Variants in AKAIN1 observed in about 807,000 individuals in gnomAD.
The protein encoded by AKAIN1 is A-kinase anchor protein inhibitor 1.
In AKAIN1, 3 loss-of-function variants were observed where a neutral mutation model predicts 3.7. The ratio of observed to expected loss-of-function variants is 0.82; its 90% CI spans 0.37 to 2.12. The LOEUF (loss-of-function observed/expected upper bound fraction) is 2.12, where lower values mean the gene tolerates loss of function less well. Ranked by LOEUF, AKAIN1 falls within the 30% of genes most tolerant of loss-of-function variation. The probability of loss-of-function intolerance (pLI) is 0.06; values close to 1 mark genes in which losing one functional copy is unlikely to be tolerated. For missense variants in AKAIN1, 82 were observed against 82.7 expected (o/e 0.99, Z 0.03); for synonymous variants, 31 against 30.8 (o/e 1.01, Z -0.02).
chr18:5,165,354 A>T (rs1220308115), intron 1 of AKAIN1, among the ~76,000 whole-genome samples: 1 of 151,952 alleles, frequency 6.6e-6, no homozygotes, highest in Non-Finnish European at 1.5e-5. Context: ...TCAAAACTCC[A>T]AAGGGGGTAG....
Position 5,197,004 on chromosome 18 carries a change from T to A in AKAIN1, c.16+34A>T, listed in dbSNP as rs1477873357. On this transcript the variant is annotated intron_variant, in intron 1 of 1. Transcript: ENST00000434239. The surrounding 1 kb of genome is among the most constrained non-coding windows in gnomAD (Gnocchi z 6.9). ...TCCGTCCTCTACCCTGCTCCCCTCC[T>A]AGACACTTGGTGAAAAAGCAAGGTG... 6.5e-7 allele frequency: 1 copy of A among 1,533,386 alleles called. No homozygotes were observed. The allele number at this position is 1,533,386 out of a possible 1,614,324, so 95.0% of individuals were successfully genotyped here. A position where few individuals can be genotyped will look rare whatever the true frequency, so the allele number is the denominator to read the frequency against.
At chr18:5,168,340 A>AAG (rs2071178157) in intron 1 of AKAIN1, among the ~76,000 whole-genome samples, 1 of 152,118 alleles carries the variant, frequency 6.6e-6, no homozygotes, top group Non-Finnish European at 1.5e-5. Context: ...AGGACAGCCA[A>AAG]AGAGGCTACC....
chr18:5,193,900 T>C (rs1350260699), intron 1 of AKAIN1, among the ~76,000 whole-genome samples: 1 of 152,208 alleles, frequency 6.6e-6, no homozygotes, highest in Non-Finnish European at 1.5e-5. Context: ...ATATTGGTTG[T>C]GTCACCCCCT....
intron 1 of AKAIN1, among the ~76,000 whole-genome samples, chr18:5,176,509 G>A (rs970938182): frequency 8.6e-5 from 13 of 152,012 alleles, no homozygotes; most frequent in Non-Finnish European, 1.5e-4. Context: ...TTGAAAAAGT[G>A]TTATGGAAGC....
chr18:5,171,531 T>C (rs960600852), intron 1 of AKAIN1, among the ~76,000 whole-genome samples: 2 of 151,944 alleles, frequency 1.3e-5, no homozygotes, highest in East Asian at 3.9e-4. Context: ...GGGCAACAGA[T>C]CCGAATAGAC....
At chr18:5,152,096 G>A (rs1174836141) in intron 1 of AKAIN1, among the ~76,000 whole-genome samples, 4 of 152,136 alleles carry the variant, frequency 2.6e-5, no homozygotes, top group Non-Finnish European at 5.9e-5. Flanking sequence ...TCCCCACAAG[G>A]TTGACAGGAA....
chr18:5,145,504 T>C lies in AKAIN1; in HGVS notation c.*58A>G. ...TTACTGGCAACATTTTGGAGATGCGTCCTATACTAAGAGGAAGGCTAGAAA... is the reference window on the plus strand; with the variant it reads ...TTACTGGCAACATTTTGGAGATGCGCCCTATACTAAGAGGAAGGCTAGAAA... On this transcript the variant is annotated 3_prime_UTR_variant, in exon 2 of 2. Transcript: ENST00000434239. 2 of 1,438,934 alleles carry C rather than the reference T, an allele frequency of 1.4e-6. No individual in the cohort carries two copies. The highest frequency in any genetic ancestry group is 1.9e-6 in the Non-Finnish European group (2 of 1,055,478). The allele number at this position is 1,438,934 out of a possible 1,614,324, so 89.1% of individuals were successfully genotyped here. A position where few individuals can be genotyped will look rare whatever the true frequency, so the allele number is the denominator to read the frequency against.
At chr18:5,172,168 G>T (rs1165394291) in intron 1 of AKAIN1, among the ~76,000 whole-genome samples, 2 of 152,150 alleles carry the variant, frequency 1.3e-5, no homozygotes, top group Non-Finnish European at 2.9e-5. Flanking sequence ...GAGACAGAGA[G>T]TAGAATAATC....
At chr18:5,179,768 C>T (rs1294825350) in intron 1 of AKAIN1, among the ~76,000 whole-genome samples, 1 of 152,148 alleles carries the variant, frequency 6.6e-6, no homozygotes, top group Non-Finnish European at 1.5e-5. Context: ...AATACATCTG[C>T]TCCCCTTAGA....
intron 1 of AKAIN1, among the ~76,000 whole-genome samples, chr18:5,178,952 A>G (rs568006628): frequency 6.6e-6 from 1 of 152,270 alleles, no homozygotes; most frequent in East Asian, 1.9e-4. Flanking sequence ...TTGGTATGCC[A>G]ATTTTCTTTG....
intron 1 of AKAIN1, among the ~76,000 whole-genome samples, chr18:5,172,729 T>A (rs569234506): frequency 6.6e-6 from 1 of 151,766 alleles, no homozygotes; most frequent in African/African-American, 2.4e-5. Context: ...TATAAAAAAT[T>A]GAAATTTTAC....
At chr18:5,171,885 C>T (rs1293993629) in intron 1 of AKAIN1, among the ~76,000 whole-genome samples, 3 of 152,114 alleles carry the variant, frequency 2.0e-5, no homozygotes, top group African/African-American at 7.2e-5. Context: ...GAGATACCTG[C>T]ACTCCCATGT....
At chr18:5,162,055 G>T (rs1598307956) in intron 1 of AKAIN1, among the ~76,000 whole-genome samples, 1 of 152,092 alleles carries the variant, frequency 6.6e-6, no homozygotes, top group East Asian at 1.9e-4. Context: ...AGAAGAGAAG[G>T]ATTTATGTGT....
chr18:5,197,473 G>C (rs1488036286), upstream of AKAIN1: 1 of 995,732 alleles, frequency 1.0e-6, no homozygotes, highest in Non-Finnish European at 1.2e-6. This position sits in a 1 kb window ranked among gnomAD's most constrained non-coding sequence, Gnocchi z 6.9. Context: ...CGTCGCCGTG[G>C]ATATTGGACT....
rs2071354595 is a variant in AKAIN1 at position 5,197,251 on chromosome 18, C to T, written c.-198G>A. 3 of 1,379,008 alleles carry T rather than the reference C, an allele frequency of 2.2e-6. No homozygotes were observed. The highest frequency in any genetic ancestry group is 2.8e-6 in the Non-Finnish European group (3 of 1,076,910). 85.4% of individuals were successfully genotyped at this position (1,379,008 alleles called of 1,614,324 possible). ...CCAGCCGCCGCCGCGCGCTCTGCCTCCACAATGCGGCCACAGCGGCGGCGG... is the reference window on the plus strand; with the variant it reads ...CCAGCCGCCGCCGCGCGCTCTGCCTTCACAATGCGGCCACAGCGGCGGCGG... On this transcript the variant is annotated 5_prime_UTR_variant, in exon 1 of 2. Coordinates refer to ENST00000434239, the MANE Select transcript of AKAIN1 (RefSeq NM_001145194.2). The surrounding 1 kb of genome is among the most constrained non-coding windows in gnomAD (Gnocchi z 6.9).
chr18:5,152,146 C>T (rs890926688), intron 1 of AKAIN1, among the ~76,000 whole-genome samples: 3 of 152,192 alleles, frequency 2.0e-5, no homozygotes, highest in Non-Finnish European at 4.4e-5. Flanking sequence ...GTTAATTAAG[C>T]ATCAGTCAGG....
Position 5,197,172 on chromosome 18 carries a change from C to T in AKAIN1, c.-119G>A. On this transcript the variant is annotated 5_prime_UTR_variant, in exon 1 of 2. Coordinates refer to ENST00000434239, the MANE Select transcript of AKAIN1 (RefSeq NM_001145194.2). This position sits in a 1 kb window ranked among gnomAD's most constrained non-coding sequence, Gnocchi z 6.9. Reference sequence around the variant, plus strand: ...GAGGGCGCGCTGGGCGGGCGGCGGGCGGGGCGGTCAGCACCCCGGACAGCT... The same window carrying T: ...GAGGGCGCGCTGGGCGGGCGGCGGGTGGGGCGGTCAGCACCCCGGACAGCT... 3 of 1,509,668 alleles carry T rather than the reference C, an allele frequency of 2.0e-6. No homozygotes were observed. The highest frequency in any genetic ancestry group is 1.8e-6 in the Non-Finnish European group (2 of 1,132,890). The allele number at this position is 1,509,668 out of a possible 1,614,324, so 93.5% of individuals were successfully genotyped here.
intron 1 of AKAIN1, among the ~76,000 whole-genome samples, chr18:5,149,673 C>T (rs2071069480): frequency 6.6e-6 from 1 of 152,158 alleles, no homozygotes; most frequent in Admixed American, 6.6e-5. Context: ...GTACATATCT[C>T]CTTCCCTCTG....
intron 1 of AKAIN1, among the ~76,000 whole-genome samples, chr18:5,166,149 C>T (rs927023825): frequency 1.8e-4 from 28 of 152,022 alleles, no homozygotes; most frequent in Non-Finnish European, 4.1e-4. Flanking sequence ...TGAAGGTCTC[C>T]CAAATTACAT....
Sources: allele counts gnomAD v4.1 joint callset (sites outside exome capture counted in the v4.1 genomes callset), GRCh38; gene constraint gnomAD v4.1.1; non-coding constraint Gnocchi (gnomAD v3.1); transcripts MANE v1.5; gene names NCBI Gene and HGNC (gene_info 2026-07-23, HGNC 2026-07-21).